NCALD: variants seen among roughly 807,000 people sequenced by gnomAD.
The protein encoded by NCALD is neurocalcin-delta.
In NCALD, 10 loss-of-function variants were observed where a neutral mutation model predicts 18.6. That is an observed-to-expected ratio of 0.54 (90% CI 0.33 to 0.91). The LOEUF is 0.91. Among genes scored for constraint, NCALD ranks in the 40% least tolerant of loss-of-function variants. NCALD has a pLI of 0.03. For missense variants in NCALD, 184 were observed against 247.6 expected, an observed-to-expected ratio of 0.74 and a Z score of 1.72; for synonymous variants, 88 against 87.4, an observed-to-expected ratio of 1.01 and a Z score of -0.04.
chr8:102,007,870 G>T (rs988879480), intron 2 of NCALD, among the ~76,000 whole-genome samples: 2 of 152,174 alleles, frequency 1.3e-5, no homozygotes, highest in East Asian at 1.9e-4. Flanking sequence ...TTCATGGTGG[G>T]TGTTCTGTTT....
chr8:101,890,492 G>C (rs1816832348), intron 3 of NCALD, among the ~76,000 whole-genome samples: 1 of 152,294 alleles, frequency 6.6e-6, no homozygotes, highest in South Asian at 2.1e-4. Flanking sequence ...AGTATTGAGA[G>C]ATATGGCCTT....
chr8:101,765,662 G>A (rs933133451), intron 1 of NCALD, among the ~76,000 whole-genome samples: 1 of 152,144 alleles, frequency 6.6e-6, no homozygotes, highest in African/African-American at 2.4e-5. Flanking sequence ...TAGGAAGGGG[G>A]AGAGAAAGTA....
intron 1 of NCALD, among the ~76,000 whole-genome samples, chr8:101,744,476 C>T (rs900596105): frequency 5.3e-5 from 8 of 152,228 alleles, no homozygotes; most frequent in Admixed American, 1.3e-4. Context: ...AAGTCTCCAT[C>T]TCTAGCAAGA....
intron 2 of NCALD, among the ~76,000 whole-genome samples, chr8:101,966,200 G>C (rs1820023339): frequency 6.6e-6 from 1 of 151,156 alleles, no homozygotes; most frequent in Non-Finnish European, 1.5e-5. Context: ...AAAAGAGAAA[G>C]AGAAAAGTTA....
At chr8:101,958,144 C>T (rs755112157) in intron 2 of NCALD, among the ~76,000 whole-genome samples, 3 of 152,092 alleles carry the variant, frequency 2.0e-5, no homozygotes, top group East Asian at 1.9e-4. Context: ...GAGGTCCTTT[C>T]CAGTTCTAGA....
intron 1 of NCALD, among the ~76,000 whole-genome samples, chr8:102,116,114 G>A (rs1012058916): frequency 6.6e-6 from 1 of 151,924 alleles, no homozygotes; most frequent in African/African-American, 2.4e-5. Context: ...GTCGTAGGGT[G>A]GGGGGAGGCG....
At chr8:101,928,279 C>T (rs148407373) in intron 2 of NCALD, among the ~76,000 whole-genome samples, 2 of 152,146 alleles carry the variant, frequency 1.3e-5, no homozygotes, top group African/African-American at 4.8e-5. Context: ...CCAGGCTTGT[C>T]CCACTCCATA....
At chr8:102,003,214 C>G (rs1222517748) in intron 2 of NCALD, among the ~76,000 whole-genome samples, 1 of 152,164 alleles carries the variant, frequency 6.6e-6, no homozygotes, top group East Asian at 1.9e-4. Context: ...ACCGATCCCA[C>G]AGAAATACAA....
rs191096187 is a variant in NCALD at position 101,983,897 on chromosome 8, G to A, written c.-157+36340C>T. Among the ~76,000 whole-genome samples, 50 of 152,308 alleles carry A rather than the reference G, an allele frequency of 3.3e-4. No homozygotes were observed. In the East Asian group the frequency reaches 5.6e-3, roughly 17 times the overall value. Reference sequence around the variant, plus strand: ...ACATCTGAGTTTGGTGCCCTACCCAGTCCCCTCCAGGCTTAGGGATTACAG... The same window carrying A: ...ACATCTGAGTTTGGTGCCCTACCCAATCCCCTCCAGGCTTAGGGATTACAG... On this transcript the variant is annotated intron_variant, in intron 2 of 6. Transcript: ENST00000311028.
chr8:101,996,636 A>G (rs1373507293), intron 2 of NCALD, among the ~76,000 whole-genome samples: 1 of 152,236 alleles, frequency 6.6e-6, no homozygotes, highest in Non-Finnish European at 1.5e-5. Flanking sequence ...GTTGGAGGTC[A>G]TCTTGACAAG....
intron 1 of NCALD, among the ~76,000 whole-genome samples, chr8:102,115,894 A>C (rs77953367): frequency 1.3e-5 from 2 of 152,148 alleles, no homozygotes; most frequent in Non-Finnish European, 2.9e-5. Context: ...CCAGCAAAGC[A>C]AAGCCCAGAA....
chr8:101,772,975 C>T (rs1332472406), intron 1 of NCALD, among the ~76,000 whole-genome samples: 1 of 152,132 alleles, frequency 6.6e-6, no homozygotes, highest in African/African-American at 2.4e-5. Flanking sequence ...ATTATCTCAT[C>T]TTATTGTCCC....
intron 1 of NCALD, among the ~76,000 whole-genome samples, chr8:102,091,160 A>G (rs946690567): frequency 3.9e-5 from 6 of 152,216 alleles, no homozygotes; most frequent in Non-Finnish European, 7.3e-5. Context: ...GATTCTGTCT[A>G]TGGAACAGAG....
At chr8:101,947,185 G>C (rs368154824) in intron 2 of NCALD, among the ~76,000 whole-genome samples, 18 of 152,318 alleles carry the variant, frequency 1.2e-4, no homozygotes, top group East Asian at 5.8e-4. Flanking sequence ...AACAAAAGTA[G>C]ACCAGTCAAG....
At chr8:101,733,463 T>C (rs936262233) in intron 1 of NCALD, among the ~76,000 whole-genome samples, 7 of 152,218 alleles carry the variant, frequency 4.6e-5, no homozygotes, top group South Asian at 2.1e-4. Flanking sequence ...ACCCTTTCCA[T>C]AGGGCTGTTT....
At chr8:101,982,695 GC>G (rs1820666095) in intron 2 of NCALD, among the ~76,000 whole-genome samples, 1 of 152,040 alleles carries the variant, frequency 6.6e-6, no homozygotes, top group African/African-American at 2.4e-5. Flanking sequence ...AAAAAAATTA[GC>G]TGGGTGTGGT....
chr8:101,897,570 T>G (rs1817246819), intron 3 of NCALD, among the ~76,000 whole-genome samples: 1 of 152,112 alleles, frequency 6.6e-6, no homozygotes, highest in Admixed American at 6.5e-5. Context: ...TTGTAGGACA[T>G]TTTGTTTGTT....
intron 2 of NCALD, among the ~76,000 whole-genome samples, chr8:101,981,027 T>A (rs973955567): frequency 7.9e-5 from 12 of 152,224 alleles, no homozygotes; most frequent in Admixed American, 7.2e-4. Flanking sequence ...ATCTGGAAGA[T>A]AAGTACAGTT....
chr8:101,697,105 A>AAGGGTAT (rs1255777275), intron 2 of NCALD, among the ~76,000 whole-genome samples: 1 of 152,222 alleles, frequency 6.6e-6, no homozygotes, highest in African/African-American at 2.4e-5. Flanking sequence ...AAAAATGATA[A>AAGGGTAT]AGGGTATATC....
Sources: allele counts gnomAD v4.1 joint callset (sites outside exome capture counted in the v4.1 genomes callset), GRCh38; gene constraint gnomAD v4.1.1; transcripts MANE v1.5; gene names NCBI Gene and HGNC (gene_info 2026-07-23, HGNC 2026-07-21).